JAZF1: variants seen among roughly 807,000 people sequenced by gnomAD.
JAZF1 encodes juxtaposed with another zinc finger protein 1.
JAZF1 carries 8 observed loss-of-function variants against 26.4 expected under a neutral mutation model. The ratio of observed to expected loss-of-function variants is 0.30; its 90% confidence interval spans 0.18 to 0.55. The LOEUF (loss-of-function observed/expected upper bound fraction) is 0.55, where lower values mean the gene tolerates loss of function less well. Among genes scored for constraint, JAZF1 ranks in the 20% least tolerant of loss-of-function variants. JAZF1 has a pLI of 0.94. For synonymous variants in JAZF1, 126 were observed against 122.3 expected (o/e 1.03, Z -0.20); for missense variants, 199 against 322.0 (o/e 0.62, Z 2.92).
intron 2 of JAZF1, 28 bp downstream of exon 2, chr7:27,991,881 G>GTTATAATAAA: frequency 8.1e-7 from 1 of 1,228,910 alleles, no homozygotes; most frequent in Non-Finnish European, 1.2e-6. Flanking sequence ...ATATAAGGTT[G>GTTATAATAAA]TTATAATAAA....
intron 2 of JAZF1, among the ~76,000 whole-genome samples, chr7:27,897,119 C>T (rs571726627): frequency 1.7e-3 from 266 of 152,096 alleles, no homozygotes; most frequent in Non-Finnish European, 3.3e-3. Flanking sequence ...TGCTAACTAT[C>T]ATGGTGCTGA....
intron 3 of JAZF1, among the ~76,000 whole-genome samples, chr7:27,849,772 C>CACACACACACACACACATAT (rs140580370): frequency 0.016 from 2,404 of 147,046 alleles, 83 homozygotes; most frequent in African/African-American, 0.056. Context: ...CACACACACA[C>CACACACACACACACACATAT]ACCCCTACAC....
chr7:27,963,979 G>T (rs1409788327), intron 2 of JAZF1, among the ~76,000 whole-genome samples: 2 of 152,048 alleles, frequency 1.3e-5, no homozygotes, highest in African/African-American at 4.8e-5. Context: ...CATCTGAATT[G>T]GTTGCTTATA....
At chr7:28,015,931 C>T (rs191621851) in intron 1 of JAZF1, among the ~76,000 whole-genome samples, 88 of 152,318 alleles carry the variant, frequency 5.8e-4, no homozygotes, top group African/African-American at 2.1e-3. Flanking sequence ...TCTCCCCTCA[C>T]ACCCACCACA....
intron 1 of JAZF1, among the ~76,000 whole-genome samples, chr7:28,165,073 G>A (rs1476842509): frequency 1.3e-5 from 2 of 152,172 alleles, no homozygotes; most frequent in South Asian, 2.1e-4. Flanking sequence ...GGAGGCTGAG[G>A]TGGGAGGATT....
At chr7:27,939,493 G>A (rs776055848) in intron 2 of JAZF1, among the ~76,000 whole-genome samples, 13 of 152,306 alleles carry the variant, frequency 8.5e-5, no homozygotes, top group Admixed American at 1.3e-4. Flanking sequence ...CCCTGGATCT[G>A]GAGAGAAGGG....
At chr7:27,898,634 C>T (rs1784112574) in intron 2 of JAZF1, among the ~76,000 whole-genome samples, 1 of 152,088 alleles carries the variant, frequency 6.6e-6, no homozygotes. Context: ...TATAACACAA[C>T]AACTATAAAC....
At chr7:28,011,577 T>C (rs560963584) in intron 1 of JAZF1, among the ~76,000 whole-genome samples, 6 of 152,360 alleles carry the variant, frequency 3.9e-5, no homozygotes, top group Non-Finnish European at 8.8e-5. Flanking sequence ...TTGACCCTTA[T>C]AAACACACGG....
chr7:28,086,782 C>T (rs1784218519), intron 1 of JAZF1, among the ~76,000 whole-genome samples: 1 of 152,270 alleles, frequency 6.6e-6, no homozygotes, highest in Admixed American at 6.5e-5. Context: ...AAACTACCAA[C>T]ACTACATAAA....
intron 3 of JAZF1, among the ~76,000 whole-genome samples, chr7:27,893,600 A>C (rs1029818235): frequency 2.0e-5 from 3 of 152,194 alleles, no homozygotes; most frequent in Non-Finnish European, 4.4e-5. Context: ...TTTCAAAGGA[A>C]GCCTTTCCTG....
chr7:27,932,220 G>A (rs367898613), intron 2 of JAZF1, among the ~76,000 whole-genome samples: 1 of 152,212 alleles, frequency 6.6e-6, no homozygotes, highest in Non-Finnish European at 1.5e-5. Context: ...GACTAACGCA[G>A]TAAGTTACCT....
chr7:27,893,731 TG>T (rs1784013302), intron 3 of JAZF1, among the ~76,000 whole-genome samples: 2 of 152,204 alleles, frequency 1.3e-5, no homozygotes, highest in African/African-American at 2.4e-5. Context: ...ATACTCCCAC[TG>T]GGGGAAGAGA....
chr7:27,946,011 A>C (rs1784920014), intron 2 of JAZF1, among the ~76,000 whole-genome samples: 1 of 152,230 alleles, frequency 6.6e-6, no homozygotes, highest in Non-Finnish European at 1.5e-5. Flanking sequence ...AGTAGTCAAT[A>C]AATTATTTAA....
chr7:28,125,511 G>A (rs1295993016), intron 1 of JAZF1, among the ~76,000 whole-genome samples: 1 of 152,174 alleles, frequency 6.6e-6, no homozygotes, highest in Non-Finnish European at 1.5e-5. Flanking sequence ...TAACATGTCT[G>A]TTCAATCAGA....
chr7:28,007,741 C>T (rs1412870821), intron 1 of JAZF1, among the ~76,000 whole-genome samples: 1 of 152,086 alleles, frequency 6.6e-6, no homozygotes, highest in African/African-American at 2.4e-5. Context: ...TGCCTCTTTC[C>T]CTTTTTTAAA....
intron 2 of JAZF1, among the ~76,000 whole-genome samples, chr7:27,984,774 A>C (rs569660625): frequency 6.6e-6 from 1 of 152,252 alleles, no homozygotes; most frequent in Non-Finnish European, 1.5e-5. Flanking sequence ...CAGTGCAATC[A>C]AACTAGAACT....
At chr7:28,159,118 C>A (rs913840148) in intron 1 of JAZF1, among the ~76,000 whole-genome samples, 4 of 151,774 alleles carry the variant, frequency 2.6e-5, no homozygotes, top group Non-Finnish European at 5.9e-5. Context: ...AAAGACATAA[C>A]GGGGTAATGC....
chr7:27,998,447 T>C (rs1786066766), intron 1 of JAZF1, among the ~76,000 whole-genome samples: 1 of 152,138 alleles, frequency 6.6e-6, no homozygotes, highest in African/African-American at 2.4e-5. Flanking sequence ...CTGAAACAAA[T>C]AATGCTTGTT....
intron 1 of JAZF1, among the ~76,000 whole-genome samples, chr7:28,143,032 C>T (rs766612473): frequency 2.6e-5 from 4 of 152,188 alleles, no homozygotes; most frequent in East Asian, 1.9e-4. Flanking sequence ...CTACTGAGAT[C>T]GTCACTGGGC....
Sources: gnomAD v4.1 joint callset for allele counts (sites outside exome capture counted in the v4.1 genomes callset) on GRCh38, gnomAD v4.1.1 for gene constraint, MANE v1.5 for transcripts, NCBI Gene and HGNC (gene_info 2026-07-23, HGNC 2026-07-21) for gene names.